The following NUP210 variants were observed in gnomAD, a reference collection of about 807,000 sequenced individuals.
NUP210 encodes the protein nucleoporin 210.
NUP210 carries 151 observed loss-of-function variants against 196.0 expected under a neutral mutation model. The observed-to-expected ratio is 0.77, with a 90% CI of 0.67 to 0.88. The LOEUF is 0.88. Among genes scored for constraint, NUP210 ranks in the 40% least tolerant of loss-of-function variants. The probability of loss-of-function intolerance (pLI) is 0.00; values close to 1 mark genes in which losing one functional copy is unlikely to be tolerated. For missense variants in NUP210, 2,314 were observed against 2,493.7 expected, an observed-to-expected ratio of 0.93 and a Z score of 1.53; for synonymous variants, 1,070 against 1,052.7, an observed-to-expected ratio of 1.02 and a Z score of -0.32.
intron 28 of NUP210, among the ~76,000 whole-genome samples, chr3:13,334,475 T>A (rs1267938705): frequency 6.6e-6 from 1 of 151,310 alleles, no homozygotes; most frequent in Non-Finnish European, 1.5e-5. Context: ...TCGGTGGGGG[T>A]TTTTTTGTGG....
rs140229295 is a variant in NUP210, at chr3:13,391,211, C to A, written c.533G>T (p.Arg178Leu). The change falls in exon 4 of 40, where the codon CGA becomes CTA. Residue 178 changes from arginine to leucine, a missense_variant and splice_region_variant. Transcript: ENST00000254508. ...DRFSDSHNAL[R>L]ILTFLESTYI... The stretch of plus-strand genomic sequence containing the variant: ...CAGGCCTAGCAGAGGCACCCCTTAC[C>A]GCAGCGCATTGTGGGAGTCTGAGAA... 2 of 1,609,398 alleles carry A rather than the reference C, an allele frequency of 1.2e-6. No homozygotes were observed. Among genetic ancestry groups the A allele is most frequent in the African/African-American group, 2.7e-5 (2 of 74,776 alleles).
At chr3:13,370,666 A>G (rs1289452186) in intron 13 of NUP210, among the ~76,000 whole-genome samples, 1 of 152,236 alleles carries the variant, frequency 6.6e-6, no homozygotes, top group Non-Finnish European at 1.5e-5. Flanking sequence ...ATGACACTGT[A>G]GACTTCATGA....
chr3:13,402,871 G>C (rs1699884365), intron 1 of NUP210, among the ~76,000 whole-genome samples: 1 of 152,148 alleles, frequency 6.6e-6, no homozygotes, highest in East Asian at 1.9e-4. Context: ...TGGTGAATTG[G>C]TTACAATGGA....
At chr3:13,396,760 CA>C (rs71066951) in intron 3 of NUP210, among the ~76,000 whole-genome samples, 6 of 62,092 alleles carry the variant, frequency 9.7e-5, no homozygotes, top group East Asian at 4.8e-4. Flanking sequence ...GACTCTGTCT[CA>C]AAAAAAAAAA....
intron 1 of NUP210, among the ~76,000 whole-genome samples, chr3:13,415,183 G>A (rs775215184): frequency 1.2e-4 from 18 of 152,318 alleles, no homozygotes; most frequent in South Asian, 4.1e-4. Flanking sequence ...TGCCGAGATC[G>A]TGCCACTGCA....
chr3:13,379,557 G>C lies in NUP210; in HGVS notation c.976+6C>G. On this transcript the variant is annotated splice_donor_region_variant and intron_variant, in intron 7 of 39. Coordinates refer to ENST00000254508, the MANE Select transcript of NUP210 (RefSeq NM_024923.4). This position sits in a 1 kb window ranked among gnomAD's most constrained non-coding sequence, Gnocchi z 4.2. ...CTAAGAACACACAAGCCCAAGAAAA[G>C]GATATTCCTGTGGCCAAGGACGAGG... 1.2e-6 allele frequency: 2 copies of C among 1,614,140 alleles called. No homozygotes were observed. The highest frequency in any genetic ancestry group is 1.7e-6 in the Non-Finnish European group (2 of 1,180,038).
intron 28 of NUP210, among the ~76,000 whole-genome samples, chr3:13,333,535 C>T (rs1697085716): frequency 6.6e-6 from 1 of 152,266 alleles, no homozygotes; most frequent in Admixed American, 6.5e-5. Flanking sequence ...GCCTAGATTT[C>T]CTTGTGTGTA....
At chr3:13,326,560 T>C (rs867866274) in intron 32 of NUP210, among the ~76,000 whole-genome samples, 7 of 152,088 alleles carry the variant, frequency 4.6e-5, no homozygotes, top group African/African-American at 1.7e-4. Context: ...GTGGAGACAA[T>C]TTGAAAATAA....
At chr3:13,375,142 C>CTTTTTTTTTTT (rs76945178) in intron 11 of NUP210, among the ~76,000 whole-genome samples, 2 of 138,438 alleles carry the variant, frequency 1.4e-5, no homozygotes, top group African/African-American at 2.7e-5. Context: ...TATTTTTTCT[C>CTTTTTTTTTTT]TTTTTTTTTT....
chr3:13,377,328 T>C, intron 9 of NUP210, 128 bp downstream of exon 9: 3 of 681,638 alleles, frequency 4.4e-6, no homozygotes, highest in Non-Finnish European at 8.0e-6. Context: ...GGAGCGCCAC[T>C]AGAAACAGGA....
chr3:13,395,174 G>A (rs567043818), intron 3 of NUP210, among the ~76,000 whole-genome samples: 18 of 152,298 alleles, frequency 1.2e-4, no homozygotes, highest in African/African-American at 4.1e-4. Flanking sequence ...AGTGGCCTGG[G>A]AAGGCTGAGG....
chr3:13,332,773 C>T (rs1177896446), intron 28 of NUP210, among the ~76,000 whole-genome samples: 1 of 152,184 alleles, frequency 6.6e-6, no homozygotes, highest in Non-Finnish European at 1.5e-5. Context: ...AAAAGACAGG[C>T]AGGCTCATGT....
At chr3:13,381,442 A>T (rs1699097610) in intron 6 of NUP210, among the ~76,000 whole-genome samples, 2 of 132,604 alleles carry the variant, frequency 1.5e-5, no homozygotes. Flanking sequence ...TTTTAGAGAT[A>T]GGTTCTTACT....
In NUP210 at chr3:13,330,446, G is replaced by T; in HGVS notation, c.4110+14C>A. The T allele has an allele frequency of 6.2e-7, 1 of 1,611,920 alleles. No homozygotes were observed. Among genetic ancestry groups the T allele is most frequent in the Admixed American group, 1.7e-5 (1 of 59,806 alleles). ...GCTTTCATTACTCCAAAAAGGAGGA[G>T]AATGCAACCCTACCTTTACAGCAAC... On this transcript the variant is annotated intron_variant, in intron 30 of 39. Transcript: ENST00000254508.
intron 1 of NUP210, among the ~76,000 whole-genome samples, chr3:13,401,186 C>G (rs2623511): frequency 1 from 147,869 of 147,872 alleles, 73,933 homozygotes; most frequent in Middle Eastern, 1. Context: ...TTGAACCCGG[C>G]AGGCGGAGGC....
intron 1 of NUP210, 48 bp from the exon 2 acceptor site, chr3:13,399,909 G>A (rs372069013): frequency 1.8e-4 from 281 of 1,553,624 alleles, no homozygotes; most frequent in Admixed American, 1.2e-3. Flanking sequence ...GCACTGCAAG[G>A]CACAGTGGGG....
rs1697424880 is a variant in NUP210, at chr3:13,340,381, G to A, written c.3229-83C>T. ...ATAACTCACACACTACATGTTTCAT[G>A]AGAGGAAAACCTGGGACATGGACAT... On this transcript the variant is annotated intron_variant, in intron 23 of 39. Transcript: ENST00000254508. The surrounding 1 kb of genome is among the most constrained non-coding windows in gnomAD (Gnocchi z 4.0). 2.4e-6 allele frequency: 3 copies of A among 1,264,470 alleles called. No homozygotes were observed. Among genetic ancestry groups the A allele is most frequent in the Admixed American group, 1.8e-5 (1 of 55,754 alleles). The allele number at this position is 1,264,470 out of a possible 1,614,324, so 78.3% of individuals were successfully genotyped here. A position where few individuals can be genotyped will look rare whatever the true frequency, so the allele number is the denominator to read the frequency against.
chr3:13,356,419 C>G (rs904926377), intron 16 of NUP210, among the ~76,000 whole-genome samples: 1 of 152,116 alleles, frequency 6.6e-6, no homozygotes, highest in Non-Finnish European at 1.5e-5. Flanking sequence ...CCGAGGTGGG[C>G]GGATCACGAG....
At chr3:13,367,265 C>T (rs553144949) in intron 13 of NUP210, among the ~76,000 whole-genome samples, 35 of 151,984 alleles carry the variant, frequency 2.3e-4, no homozygotes, top group African/African-American at 8.2e-4. Flanking sequence ...GGAGAAATCC[C>T]GTCTCTATTA....
Sources: allele counts gnomAD v4.1 joint callset (sites outside exome capture counted in the v4.1 genomes callset), GRCh38; gene constraint gnomAD v4.1.1; non-coding constraint Gnocchi (gnomAD v3.1); transcripts MANE v1.5; gene names NCBI Gene and HGNC (gene_info 2026-07-23, HGNC 2026-07-21).